Variants in ZNF565 observed in about 807,000 individuals in gnomAD.
ZNF565 encodes zinc finger protein 565.
Under a neutral mutation model 39.4 loss-of-function variants are expected in ZNF565, and 27 were observed. The ratio of observed to expected loss-of-function variants is 0.69; its 90% CI spans 0.51 to 0.95. The LOEUF (loss-of-function observed/expected upper bound fraction) is 0.95. Ranked by LOEUF, ZNF565 falls within the 40% of genes least tolerant of loss-of-function variation. The pLI is 0.00. For missense variants in ZNF565, 524 were observed against 621.1 expected, an observed-to-expected ratio of 0.84 and a Z score of 1.66; for synonymous variants, 185 against 216.6, an observed-to-expected ratio of 0.85 and a Z score of 1.28.
intron 1 of ZNF565, among the ~76,000 whole-genome samples, chr19:36,213,678 G>A (rs1234133562): frequency 6.7e-6 from 1 of 150,234 alleles, no homozygotes; most frequent in Non-Finnish European, 1.5e-5. Flanking sequence ...GAGCCACCGT[G>A]CCAGCCATTA....
In ZNF565 at chr19:36,194,216, A is replaced by T. The variant is rs777632482; in HGVS notation, c.232+17T>A. The stretch of plus-strand genomic sequence containing the variant: ...TCATCCAGGGACCTTCCCCTGTCGA[A>T]ATCGGCCCTCGCTTACCTGGGCACC... On this transcript the variant is annotated intron_variant, in intron 4 of 4. Transcript: ENST00000304116. 9.4e-6 allele frequency: 15 copies of T among 1,601,464 alleles called. No individual in the cohort carries two copies. The South Asian group carries it at 1.7e-4, about 18-fold the overall frequency.
At position 36,182,902 on chromosome 19, in the gene ZNF565, C is replaced by A. The variant is rs764229543; in HGVS notation, c.1064G>T (p.Arg355Ile). The A allele has an allele frequency of 2.7e-5, 44 of 1,613,202 alleles. No individual in the cohort carries two copies. Among genetic ancestry groups the A allele is most frequent in the Non-Finnish European group, 3.6e-5 (42 of 1,179,786 alleles). Reference sequence around the variant, plus strand: ...ATAGGGTTTCTCCCCAGAATGAATTCTTTGATGTCGAGTAACTTCTGAGCT... The same window carrying A: ...ATAGGGTTTCTCCCCAGAATGAATTATTTGATGTCGAGTAACTTCTGAGCT... ...IHSSEVTRHQ[R>I]IHSGEKPYEC... The change falls in exon 5 of 5, where the codon AGA becomes ATA. Residue 355 changes from arginine (R) to isoleucine (I), a missense_variant. Arg to Ile is a moderately conservative substitution (Grantham distance 97). Coordinates refer to ENST00000304116, the MANE Select transcript of ZNF565 (RefSeq NM_152477.5).
At chr19:36,193,573 T>A (rs1266583560) in intron 4 of ZNF565, among the ~76,000 whole-genome samples, 6 of 151,182 alleles carry the variant, frequency 4.0e-5, no homozygotes, top group Non-Finnish European at 7.4e-5. Flanking sequence ...CCCGAGTAGC[T>A]GGAACTACAG....
Position 36,210,814 on chromosome 19 carries a change from A to C in ZNF565, c.-66+3808T>G, listed in dbSNP as rs147842372. Reference sequence around the variant, plus strand: ...TGAAAAAAAATCATTTTCTAATAAAAGGAACCAATGGTCCCCGGGAAATTT... The same window carrying C: ...TGAAAAAAAATCATTTTCTAATAAACGGAACCAATGGTCCCCGGGAAATTT... On this transcript the variant is annotated intron_variant, in intron 1 of 4. Transcript: ENST00000304116. 2.6e-3 allele frequency among the ~76,000 whole-genome samples: 402 copies of C among 152,190 alleles called. 3 individuals are homozygous for C. The highest frequency in any genetic ancestry group is 9.0e-3 in the African/African-American group (372 of 41,538).
chr19:36,236,156 A>G (rs897581318), intron 1 of ZNF565: 11 of 344,498 alleles, frequency 3.2e-5, no homozygotes, highest in Admixed American at 1.3e-4. Context: ...CTAGATGACA[A>G]TCTCATTGAG....
At chr19:36,223,404 C>T (rs542697665) in intron 1 of ZNF565, among the ~76,000 whole-genome samples, 265 of 152,180 alleles carry the variant, frequency 1.7e-3, no homozygotes, top group African/African-American at 5.7e-3. Flanking sequence ...TCTCCGTCCC[C>T]CAGGCTGGAA....
chr19:36,234,604 A>G (rs1019496542), intron 1 of ZNF565, among the ~76,000 whole-genome samples: 5 of 152,114 alleles, frequency 3.3e-5, no homozygotes, highest in South Asian at 2.1e-4. Context: ...TCACTGTGTT[A>G]GCCAGGATGG....
At position 36,206,354 on chromosome 19, in the gene ZNF565, A is replaced by T. The variant is rs75389214; in HGVS notation, c.-65-4304T>A. On this transcript the variant is annotated intron_variant, in intron 1 of 4. Coordinates refer to ENST00000304116, the MANE Select transcript of ZNF565 (RefSeq NM_152477.5). ...CTGGGCACAGTAGCTCACTCCTGTC[A>T]TCTCAGCACTTTGAGGGACCAAGGC... Among the ~76,000 whole-genome samples, 402 of 152,210 alleles carry T rather than the reference A, an allele frequency of 2.6e-3. 3 individuals are homozygous for T. Among genetic ancestry groups the T allele is most frequent in the African/African-American group, 9.0e-3 (372 of 41,540 alleles).
chr19:36,228,306 G>C (rs1178381830), intron 1 of ZNF565, among the ~76,000 whole-genome samples: 3 of 152,178 alleles, frequency 2.0e-5, no homozygotes, highest in Admixed American at 1.3e-4. Context: ...AGTTCTGATG[G>C]GAACGTGTTA....
chr19:36,196,224 C>T (rs1975757067), intron 2 of ZNF565, among the ~76,000 whole-genome samples: 1 of 152,110 alleles, frequency 6.6e-6, no homozygotes, highest in South Asian at 2.1e-4. Context: ...GTCACTGCAC[C>T]CAGCCTAATT....
chr19:36,228,396 G>A (rs1977177442), intron 1 of ZNF565: 2 of 152,200 alleles, frequency 1.3e-5, no homozygotes, highest in African/African-American at 4.8e-5. Flanking sequence ...TGGGAGTGTG[G>A]TGCTAGAGAA....
intron 4 of ZNF565, among the ~76,000 whole-genome samples, chr19:36,184,079 TAAAAAA>T (rs752744030): frequency 2.3e-4 from 9 of 39,248 alleles, no homozygotes; most frequent in Non-Finnish European, 3.1e-4. Context: ...CTCTGTCTCA[TAAAAAA>T]AAAAAAAAAA....
intron 1 of ZNF565, among the ~76,000 whole-genome samples, chr19:36,241,865 T>A (rs1211724756): frequency 1.3e-5 from 2 of 150,050 alleles, no homozygotes; most frequent in Admixed American, 1.3e-4. Context: ...ATACAAAACT[T>A]AACTCAAAAG....
chr19:36,215,487 G>C (rs1385508470), upstream of ZNF565, among the ~76,000 whole-genome samples: 1 of 152,106 alleles, frequency 6.6e-6, no homozygotes, highest in Non-Finnish European at 1.5e-5. Context: ...TAACGTTTGA[G>C]CTGCACTTCC....
intron 1 of ZNF565, among the ~76,000 whole-genome samples, chr19:36,220,003 C>T (rs1300230038): frequency 6.6e-6 from 1 of 152,132 alleles, no homozygotes; most frequent in Non-Finnish European, 1.5e-5. Context: ...GAATCAGCTG[C>T]ACTTTTTGAT....
chr19:36,183,605 A>G lies in ZNF565; in HGVS notation c.361T>C (p.Cys121Arg), dbSNP rs565431818. 33 of 1,614,188 alleles carry G rather than the reference A, an allele frequency of 2.0e-5. 2 individuals are homozygous for G. The South Asian group carries it at 3.5e-4, about 17-fold the overall frequency. The change falls in exon 5 of 5, where the codon TGC becomes CGC. Residue 121 changes from cysteine to arginine, a missense_variant. Coordinates refer to ENST00000304116, the MANE Select transcript of ZNF565 (RefSeq NM_152477.5). Reference sequence around the variant, plus strand: ...ACTTGTCTCTCAAACTGGCCTTCGCATTCCCAGTCAGCTCTAAAATCGGAG... The same window carrying G: ...ACTTGTCTCTCAAACTGGCCTTCGCGTTCCCAGTCAGCTCTAAAATCGGAG... ...EGSDFRADWE[C>R]EGQFERQVNE...
chr19:36,195,940 T>A (rs1160022562), intron 2 of ZNF565, among the ~76,000 whole-genome samples: 3 of 50,132 alleles, frequency 6.0e-5, no homozygotes, highest in Non-Finnish European at 1.2e-4. Flanking sequence ...AGATGAAGAA[T>A]TTTTTTTTTT....
intron 1 of ZNF565, among the ~76,000 whole-genome samples, chr19:36,229,906 G>A (rs1001204896): frequency 3.9e-5 from 6 of 152,156 alleles, no homozygotes; most frequent in Non-Finnish European, 7.3e-5. Flanking sequence ...TTTTCATAGA[G>A]ATGGGGTTTT....
At chr19:36,233,334 C>T (rs1030801662) in intron 1 of ZNF565, among the ~76,000 whole-genome samples, 4 of 152,250 alleles carry the variant, frequency 2.6e-5, no homozygotes, top group Admixed American at 6.5e-5. Flanking sequence ...GAGTCGAGAT[C>T]GCACCACTGC....
Sources: allele counts gnomAD v4.1 joint callset (sites outside exome capture counted in the v4.1 genomes callset), GRCh38; gene constraint gnomAD v4.1.1; transcripts MANE v1.5; gene names NCBI Gene and HGNC (gene_info 2026-07-23, HGNC 2026-07-21).